The following USH2A variants were observed in gnomAD, a reference collection of about 807,000 sequenced individuals.
USH2A encodes the protein usherin.
In USH2A, 443 loss-of-function variants were observed where a neutral mutation model predicts 538.9. The ratio of observed to expected loss-of-function variants is 0.82; its 90% CI spans 0.76 to 0.89. The LOEUF (loss-of-function observed/expected upper bound fraction) is 0.89, where lower values mean the gene tolerates loss of function less well. Among genes scored for constraint, USH2A ranks in the 40% least tolerant of loss-of-function variants. USH2A has a pLI of 0.00. For synonymous variants in USH2A, 2,413 were observed against 2,273.5 expected, an observed-to-expected ratio of 1.06 and a Z score of -1.75; for missense variants, 6,633 against 6,324.8, an observed-to-expected ratio of 1.05 and a Z score of -1.65.
intron 38 of USH2A, among the ~76,000 whole-genome samples, chr1:215,934,133 A>G (rs960474133): frequency 3.9e-5 from 6 of 152,010 alleles, no homozygotes; most frequent in African/African-American, 1.4e-4. Context: ...GTGCAAATGG[A>G]ATTTTCCTAT....
rs1805049 is a variant in USH2A, at chr1:216,175,422, C to T, written c.4457G>A (p.Arg1486Lys). ...ATTCAGTTCTTCAGGTGGAAACCAC[C>T]TAAGATGGATTGTTGTGCTGTTGAT... ...KGINSTTIHL[R>K]WFPPEELNGP... The change falls in exon 21 of 72, where the codon AGG becomes AAG. Residue 1486 changes from arginine (R) to lysine (K), a missense_variant. Arg to Lys is a conservative substitution (Grantham distance 26). Transcript: ENST00000307340. 1,023,028 of 1,613,420 alleles carry T rather than the reference C, an allele frequency of 0.63. 326,396 individuals are homozygous for T. Among genetic ancestry groups the T allele is most frequent in the East Asian group, 0.79 (35,574 of 44,760 alleles).
intron 9 of USH2A, among the ~76,000 whole-genome samples, chr1:216,292,892 T>C (rs949615898): frequency 3.2e-4 from 49 of 152,246 alleles, no homozygotes; most frequent in African/African-American, 1.2e-3. Context: ...ATTTATTTAG[T>C]ACTCTGTAAT....
chr1:215,969,399 T>C (rs1447113716), intron 36 of USH2A, among the ~76,000 whole-genome samples: 1 of 152,142 alleles, frequency 6.6e-6, no homozygotes, highest in Non-Finnish European at 1.5e-5. Context: ...AGGATGCAGG[T>C]TGATAATGCA....
chr1:216,338,676 A>T (rs570253404), intron 4 of USH2A, among the ~76,000 whole-genome samples: 17 of 151,628 alleles, frequency 1.1e-4, no homozygotes, highest in Non-Finnish European at 2.1e-4. Flanking sequence ...TAAAATGCAG[A>T]TTATAAGTGT....
intron 37 of USH2A, among the ~76,000 whole-genome samples, chr1:215,961,103 C>A (rs549956342): frequency 6.6e-6 from 1 of 152,014 alleles, no homozygotes; most frequent in African/African-American, 2.4e-5. Flanking sequence ...ATAATCTTAG[C>A]AGCAAAAAAA....
chr1:216,220,934 T>A (rs1391119700), intron 14 of USH2A, among the ~76,000 whole-genome samples: 1 of 152,098 alleles, frequency 6.6e-6, no homozygotes, highest in East Asian at 1.9e-4. Flanking sequence ...GCTAAGGGAT[T>A]TTAGATAAGG....
At chr1:215,859,819 G>A (rs1664269896) in intron 44 of USH2A, among the ~76,000 whole-genome samples, 1 of 152,144 alleles carries the variant, frequency 6.6e-6, no homozygotes, top group East Asian at 1.9e-4. Flanking sequence ...CTTCTTACAT[G>A]GCCTTAAATT....
chr1:216,078,513 C>G (rs1440838151), intron 26 of USH2A, 151 bp from the exon 27 acceptor site: 20 of 731,082 alleles, frequency 2.7e-5, no homozygotes, highest in Non-Finnish European at 4.1e-5. Context: ...TAAGTTTCTG[C>G]TTAGGAACAT....
At position 216,037,385 on chromosome 1, in the gene USH2A, A is replaced by C. The variant is rs75041019; in HGVS notation, c.6325+9046T>G. Among the ~76,000 whole-genome samples the C allele has an allele frequency of 9.9e-3, 1,511 of 152,226 alleles. 13 individuals are homozygous for C. Among genetic ancestry groups the C allele is most frequent in the Middle Eastern group, 0.014 (4 of 294 alleles). On this transcript the variant is annotated intron_variant, in intron 32 of 71. Transcript: ENST00000307340. ...TTTTTTGGTCCTCCAGAAAACCAAC[A>C]AGCAAAATGCCTCAAGCATCCCCAA...
chr1:215,703,104 C>A (rs962601396), intron 61 of USH2A, among the ~76,000 whole-genome samples: 2 of 152,154 alleles, frequency 1.3e-5, no homozygotes, highest in African/African-American at 4.8e-5. Context: ...GCTGGAGGTC[C>A]ACTCCAGACC....
intron 4 of USH2A, among the ~76,000 whole-genome samples, chr1:216,350,015 T>G (rs534594698): frequency 6.6e-6 from 1 of 152,218 alleles, no homozygotes; most frequent in African/African-American, 2.4e-5. Context: ...CTGTTTGGCT[T>G]CTGGAGAGGC....
intron 34 of USH2A, among the ~76,000 whole-genome samples, chr1:215,994,807 GA>G (rs1042844952): frequency 1.3e-5 from 2 of 151,876 alleles, no homozygotes; most frequent in East Asian, 1.9e-4. Flanking sequence ...GATTAAAATA[GA>G]AAAAAAGTTG....
Position 216,299,298 on chromosome 1 carries a change from TATAA to T in USH2A, c.1645-6932_1645-6929del, listed in dbSNP as rs373112426. ...AAAAAAAAAGGCTAACATTTATAAA[TATAA>T]ATAGAGAAATATATTCATAATACAG... On this transcript the variant is annotated intron_variant, in intron 9 of 71. Transcript: ENST00000307340. 8.9e-4 allele frequency among the ~76,000 whole-genome samples: 135 copies of T among 151,590 alleles called. 2 individuals are homozygous for T. The South Asian group carries it at 0.026, about 29-fold the overall frequency.
intron 21 of USH2A, among the ~76,000 whole-genome samples, chr1:216,106,877 T>C (rs760395971): frequency 7.9e-5 from 12 of 151,908 alleles, no homozygotes; most frequent in Admixed American, 4.6e-4. Context: ...CCTTAATTGG[T>C]AGGGCATTTA....
intron 60 of USH2A, among the ~76,000 whole-genome samples, chr1:215,736,426 T>A (rs977869654): frequency 6.6e-6 from 1 of 152,148 alleles, no homozygotes. Context: ...ACATAGGAAT[T>A]TTGTATGAGT....
At chr1:216,360,229 A>C (rs2038465907) in intron 4 of USH2A, among the ~76,000 whole-genome samples, 1 of 152,156 alleles carries the variant, frequency 6.6e-6, no homozygotes, top group Admixed American at 6.6e-5. Flanking sequence ...TTTAGTACTA[A>C]GAAGATATGA....
intron 38 of USH2A, among the ~76,000 whole-genome samples, chr1:215,924,127 A>C (rs967333639): frequency 1.3e-5 from 2 of 152,102 alleles, no homozygotes; most frequent in African/African-American, 4.8e-5. Context: ...ATGGTCATCA[A>C]AGTGTAAGAG....
At chr1:216,171,732 T>C (rs1293224196) in intron 21 of USH2A, among the ~76,000 whole-genome samples, 1 of 152,098 alleles carries the variant, frequency 6.6e-6, no homozygotes, top group Non-Finnish European at 1.5e-5. Flanking sequence ...AGTGGAATTA[T>C]GTTAATTTTA....
At position 215,883,177 on chromosome 1, in the gene USH2A, T is replaced by A. The variant is rs561875237; in HGVS notation, c.8224-4079A>T. ...TAATTGTGGTTTTTGTCATTATTTT[T>A]AATGGTAAAAACCGTAATTACTTTT... On this transcript the variant is annotated intron_variant, in intron 41 of 71. Transcript: ENST00000307340. 7.2e-5 allele frequency among the ~76,000 whole-genome samples: 11 copies of A among 152,286 alleles called. No individual in the cohort carries two copies. In the South Asian group the frequency reaches 2.3e-3, roughly 32 times the overall value.
Sources: allele counts gnomAD v4.1 joint callset (sites outside exome capture counted in the v4.1 genomes callset), GRCh38; gene constraint gnomAD v4.1.1; transcripts MANE v1.5; gene names NCBI Gene and HGNC (gene_info 2026-07-23, HGNC 2026-07-21).